Variants in DNTTIP1 observed in about 807,000 individuals in gnomAD.
DNTTIP1 encodes deoxynucleotidyltransferase terminal interacting protein 1.
In DNTTIP1, 22 loss-of-function variants were observed where a neutral mutation model predicts 52.9. The ratio of observed to expected loss-of-function variants is 0.42; its 90% CI spans 0.30 to 0.59. The LOEUF is 0.59. DNTTIP1 is among the 20% of genes least tolerant of loss of function. The pLI, the probability that DNTTIP1 is intolerant of heterozygous loss-of-function variation, is 0.22. For synonymous variants in DNTTIP1, 136 were observed against 155.1 expected, an observed-to-expected ratio of 0.88 and a Z score of 0.92; for missense variants, 286 against 435.5, an observed-to-expected ratio of 0.66 and a Z score of 3.06.
At chr20:45,792,773 A>G (rs1216571056) in intron 2 of DNTTIP1, 26 bp downstream of exon 2, 1 of 1,596,590 alleles carries the variant, frequency 6.3e-7, no homozygotes, top group Admixed American at 1.8e-5. Context: ...CATGGGGCTT[A>G]TATCCCAGCC....
chr20:45,795,271 T>C, intron 3 of DNTTIP1, 74 bp from the exon 4 acceptor site: 1 of 824,040 alleles, frequency 1.2e-6, no homozygotes, highest in Non-Finnish European at 1.9e-6. Context: ...TAAAGACTTA[T>C]TTTATATTCA....
intron 7 of DNTTIP1, 44 bp from the exon 8 acceptor site, chr20:45,803,289 G>A: frequency 6.2e-7 from 1 of 1,606,968 alleles, no homozygotes; most frequent in Non-Finnish European, 8.5e-7. Flanking sequence ...TTAGTCCTAG[G>A]TCTCACCTTG....
Position 45,811,207 on chromosome 20 carries a change from C to T in DNTTIP1, c.*12C>T. On this transcript the variant is annotated 3_prime_UTR_variant, in exon 13 of 13. Transcript: ENST00000372622. ...CTCCACAGACCTGAGGCCGGGTCCC[C>T]TGGCCACACTTGGCAGCCCTCCTCC... The T allele has an allele frequency of 6.3e-7, 1 of 1,594,032 alleles. No homozygotes were observed. Among genetic ancestry groups the T allele is most frequent in the Non-Finnish European group, 8.5e-7 (1 of 1,171,248 alleles).
chr20:45,808,913 T>C (rs1981737187), intron 10 of DNTTIP1, among the ~76,000 whole-genome samples: 1 of 152,086 alleles, frequency 6.6e-6, no homozygotes, highest in Non-Finnish European at 1.5e-5. Context: ...GTATACTAAG[T>C]CTCTGGGAAT....
intron 4 of DNTTIP1, among the ~76,000 whole-genome samples, chr20:45,796,936 T>G (rs1405853282): frequency 6.6e-6 from 1 of 152,160 alleles, no homozygotes; most frequent in Non-Finnish European, 1.5e-5. Flanking sequence ...CCTACTCTTC[T>G]CTCTCACCCC....
chr20:45,798,620 C>T (rs1463960429), intron 4 of DNTTIP1, among the ~76,000 whole-genome samples: 3 of 152,154 alleles, frequency 2.0e-5, no homozygotes, highest in East Asian at 1.9e-4. Context: ...GCTCCTCCAG[C>T]ACAAGCTTAG....
intron 3 of DNTTIP1, among the ~76,000 whole-genome samples, chr20:45,794,784 A>AC (rs1368170660): frequency 5.0e-4 from 65 of 130,106 alleles, no homozygotes; most frequent in Admixed American, 1.2e-3. Flanking sequence ...CCTCATCTCT[A>AC]CTAAAAAAAA....
At chr20:45,801,930 CT>C (rs1981484948) in intron 6 of DNTTIP1, 68 bp from the exon 7 acceptor site, 1 of 1,473,494 alleles carries the variant, frequency 6.8e-7, no homozygotes. Flanking sequence ...CCAAGTGACC[CT>C]GGACCTGCCA....
In DNTTIP1 at chr20:45,809,699, A is replaced by G. The variant is rs764455525; in HGVS notation, c.795+514A>G. Among the ~76,000 whole-genome samples the G allele has an allele frequency of 3.9e-5, 6 of 152,218 alleles. No individual in the cohort carries two copies. The highest frequency in any genetic ancestry group is 7.3e-5 in the Non-Finnish European group (5 of 68,040). ...TCATATGAAACAGCAACCTTAGGAA[A>G]ATCATCATTGCATGTGTTCAAAAAC... On this transcript the variant is annotated intron_variant, in intron 11 of 12. Transcript: ENST00000372622. The surrounding 1 kb of genome is among the most constrained non-coding windows in gnomAD (Gnocchi z 4.2).
intron 2 of DNTTIP1, among the ~76,000 whole-genome samples, chr20:45,793,421 C>T (rs1201710149): frequency 1.3e-5 from 2 of 151,970 alleles, no homozygotes; most frequent in African/African-American, 2.4e-5. Flanking sequence ...AAAAATTGGC[C>T]GGGCGCGGTG....
intron 8 of DNTTIP1, 87 bp from the exon 9 acceptor site, chr20:45,805,059 G>A: frequency 8.9e-7 from 1 of 1,128,952 alleles, no homozygotes; most frequent in Non-Finnish European, 1.4e-6. Context: ...CAAGGGGAAG[G>A]GTTAGAAAAG....
At chr20:45,800,689 AAAAAAATATATATATAT>A (rs1981406488) in intron 4 of DNTTIP1, among the ~76,000 whole-genome samples, 1 of 64,976 alleles carries the variant, frequency 1.5e-5, no homozygotes, top group African/African-American at 8.4e-5. Context: ...TAAAAAAAAA[AAAAAAATATATATATAT>A]ATATATATAT....
At chr20:45,801,557 C>A in intron 6 of DNTTIP1, 99 bp downstream of exon 6, 1 of 1,254,466 alleles carries the variant, frequency 8.0e-7, no homozygotes. Context: ...GGAGGCCAAG[C>A]GGGGAGGATC....
chr20:45,795,750 G>T (rs1346028274), intron 4 of DNTTIP1, among the ~76,000 whole-genome samples: 1 of 152,152 alleles, frequency 6.6e-6, no homozygotes, highest in African/African-American at 2.4e-5. Flanking sequence ...GGTGAGCCGA[G>T]ATGGCACCAC....
At chr20:45,802,639 T>A (rs533925314) in intron 7 of DNTTIP1, among the ~76,000 whole-genome samples, 7 of 152,276 alleles carry the variant, frequency 4.6e-5, no homozygotes, top group African/African-American at 1.7e-4. Context: ...TTGATGAGCC[T>A]ACTTTGACTC....
At chr20:45,796,155 G>A (rs1981229903) in intron 4 of DNTTIP1, among the ~76,000 whole-genome samples, 1 of 152,170 alleles carries the variant, frequency 6.6e-6, no homozygotes, top group Non-Finnish European at 1.5e-5. Flanking sequence ...CTGATGTACA[G>A]CATGATGACT....
chr20:45,792,405 C>T, intron 1 of DNTTIP1: 2 of 446,568 alleles, frequency 4.5e-6, no homozygotes, highest in Admixed American at 4.0e-5. Context: ...ACGCCCCGGA[C>T]ATCACCTGAC....
rs1487868502 is a variant in DNTTIP1 at position 45,809,719 on chromosome 20, A to G, written c.795+534A>G. Among the ~76,000 whole-genome samples the G allele has an allele frequency of 6.6e-6, 1 of 152,232 alleles. No homozygotes were observed. The highest frequency in any genetic ancestry group is 1.5e-5 in the Non-Finnish European group (1 of 68,036). The stretch of plus-strand genomic sequence containing the variant: ...AGGAAAATCATCATTGCATGTGTTC[A>G]AAAACTATTGTTGAGGGCTTTGTCC... On this transcript the variant is annotated intron_variant, in intron 11 of 12. Coordinates refer to ENST00000372622, the MANE Select transcript of DNTTIP1 (RefSeq NM_052951.3). The surrounding 1 kb of genome is among the most constrained non-coding windows in gnomAD (Gnocchi z 4.2).
chr20:45,794,408 A>G (rs1981158625), intron 3 of DNTTIP1, among the ~76,000 whole-genome samples: 3 of 151,958 alleles, frequency 2.0e-5, no homozygotes, highest in Non-Finnish European at 4.4e-5. Context: ...TGGCCTCCCA[A>G]AGTGCTGGGA....
Sources: allele counts gnomAD v4.1 joint callset (sites outside exome capture counted in the v4.1 genomes callset), GRCh38; gene constraint gnomAD v4.1.1; non-coding constraint Gnocchi (gnomAD v3.1); transcripts MANE v1.5; gene names NCBI Gene and HGNC (gene_info 2026-07-23, HGNC 2026-07-21).